MPP4: variants seen among roughly 807,000 people sequenced by gnomAD.
MPP4 encodes MAGUK p55 subfamily member 4.
In MPP4, 91 loss-of-function variants were observed where a neutral mutation model predicts 98.3. That is an observed-to-expected ratio of 0.93 (90% CI 0.78 to 1.10). MPP4 has a LOEUF of 1.10. Ranked by LOEUF, MPP4 falls within the 50% of genes least tolerant of loss-of-function variation. The probability of loss-of-function intolerance (pLI) is 0.00; values close to 1 mark genes in which losing one functional copy is unlikely to be tolerated. For synonymous variants in MPP4, 261 were observed against 271.8 expected, an observed-to-expected ratio of 0.96 and a Z score of 0.39; for missense variants, 744 against 792.9, an observed-to-expected ratio of 0.94 and a Z score of 0.74.
chr2:201,693,254 G>T (rs1689089954), intron 2 of MPP4, among the ~76,000 whole-genome samples: 1 of 152,176 alleles, frequency 6.6e-6, no homozygotes, highest in Non-Finnish European at 1.5e-5. Context: ...ATGAGAAGGT[G>T]CTAGCTTTGT....
intron 18 of MPP4, chr2:201,650,459 G>A: frequency 1.0e-6 from 1 of 985,382 alleles, no homozygotes; most frequent in Non-Finnish European, 1.2e-6. Flanking sequence ...AAGTGCTAGT[G>A]AATTATGTGT....
chr2:201,695,760 C>T (rs181333373), intron 1 of MPP4, among the ~76,000 whole-genome samples: 1 of 152,288 alleles, frequency 6.6e-6, no homozygotes, highest in Non-Finnish European at 1.5e-5. Context: ...ATTTCTGACT[C>T]TTCCAGCATG....
chr2:201,680,208 A>C (rs990128012), intron 10 of MPP4: 9 of 152,266 alleles, frequency 5.9e-5, no homozygotes, highest in Non-Finnish European at 1.3e-4. Flanking sequence ...GCCTTGAAAG[A>C]TGAATCCTTT....
intron 11 of MPP4, 21 bp from the exon 12 acceptor site, chr2:201,669,771 G>A (rs1688289246): frequency 7.2e-7 from 1 of 1,382,716 alleles, no homozygotes. Context: ...GCAAATGATT[G>A]AAGCAGGGGG....
rs900352013 is a variant in MPP4, at chr2:201,672,546, A to G, written c.994+2661T>C. Among the ~76,000 whole-genome samples the G allele has an allele frequency of 3.9e-5, 6 of 152,330 alleles. No homozygotes were observed. In the East Asian group the frequency reaches 1.2e-3, roughly 29 times the overall value. ...AAGAGAGAAGAATCAAATAGACACAATAAAAAATGATAAAGGGGACAACAT... is the reference window on the plus strand; with the variant it reads ...AAGAGAGAAGAATCAAATAGACACAGTAAAAAATGATAAAGGGGACAACAT... On this transcript the variant is annotated intron_variant, in intron 11 of 21. Coordinates refer to ENST00000409474, the MANE Select transcript of MPP4 (RefSeq NM_033066.3).
At chr2:201,653,429 G>A (rs540252933) in intron 18 of MPP4, among the ~76,000 whole-genome samples, 10 of 152,074 alleles carry the variant, frequency 6.6e-5, no homozygotes, top group South Asian at 4.2e-4. Context: ...ACCCAGCACC[G>A]CTCTCTCCAA....
At chr2:201,656,057 A>G (rs1687836887) in intron 17 of MPP4, 141 bp downstream of exon 17, 5 of 933,194 alleles carry the variant, frequency 5.4e-6, no homozygotes, top group Non-Finnish European at 7.8e-6. Context: ...CACATGTACA[A>G]TGGCTTTGTT....
intron 15 of MPP4, among the ~76,000 whole-genome samples, chr2:201,659,442 A>C (rs1687960140): frequency 6.6e-6 from 1 of 152,352 alleles, no homozygotes; most frequent in East Asian, 1.9e-4. Context: ...TTGAGATCTC[A>C]GGAAAAAACT....
chr2:201,690,627 G>A (rs556739513), intron 3 of MPP4, among the ~76,000 whole-genome samples: 1 of 152,278 alleles, frequency 6.6e-6, no homozygotes, highest in African/African-American at 2.4e-5. Context: ...ATGCATAAAG[G>A]AGCGTCTTAA....
At chr2:201,687,478 A>G (rs1379361224) in intron 4 of MPP4, 107 bp from the exon 5 acceptor site, 1 of 763,736 alleles carries the variant, frequency 1.3e-6, no homozygotes, top group African/African-American at 1.8e-5. Context: ...ATTGACCTTT[A>G]AAAAGCTATT....
intron 15 of MPP4, among the ~76,000 whole-genome samples, chr2:201,659,383 C>T (rs1483949851): frequency 6.6e-6 from 1 of 152,230 alleles, no homozygotes; most frequent in Admixed American, 6.5e-5. Context: ...ACTGTGCCCA[C>T]TGCCTCTGAA....
Position 201,647,700 on chromosome 2 carries a change from C to G in MPP4, c.1710G>C (p.Met570Ile), listed in dbSNP as rs578204777. 6.2e-6 allele frequency: 10 copies of G among 1,613,400 alleles called. No homozygotes were observed. The African/African-American group carries it at 1.3e-4, about 22-fold the overall frequency. ...AKVITDYYVD[M>I]KFKDEDLQEM... is the part of the protein sequence containing the mutation. The stretch of plus-strand genomic sequence containing the variant: ...TTTGACTTGCTCTTACCTTGAACTT[C>G]ATGTCCACATAGTAGTCAGTAATAA... The change falls in exon 21 of 22, where the codon ATG (methionine) becomes ATC (isoleucine). Residue 570 changes from methionine to isoleucine, a missense_variant. Met to Ile is a conservative substitution (Grantham distance 10, BLOSUM62 1). Transcript: ENST00000409474.
At chr2:201,685,699 A>G (rs916803075) in intron 6 of MPP4, among the ~76,000 whole-genome samples, 1 of 152,234 alleles carries the variant, frequency 6.6e-6, no homozygotes, top group African/African-American at 2.4e-5. Flanking sequence ...CTTACTTTTC[A>G]CAAAAGAAAA....
chr2:201,645,965 A>G (rs1687549288), intron 21 of MPP4, among the ~76,000 whole-genome samples: 1 of 152,250 alleles, frequency 6.6e-6, no homozygotes, highest in South Asian at 2.1e-4. Flanking sequence ...AGATAAAGAA[A>G]TTTTAATTTG....
chr2:201,669,787 A>C, intron 11 of MPP4, 37 bp from the exon 12 acceptor site: 1 of 1,359,620 alleles, frequency 7.4e-7, no homozygotes, highest in Non-Finnish European at 9.6e-7. Context: ...GGGGGGATAA[A>C]AAGAACACAG....
intron 18 of MPP4, chr2:201,650,802 G>A (rs755899842): frequency 6.1e-6 from 6 of 985,246 alleles, no homozygotes; most frequent in African/African-American, 3.5e-5. Flanking sequence ...GTGGTGATTC[G>A]TTTTAGGGAT....
chr2:201,658,625 G>A (rs1288465461), intron 15 of MPP4, 107 bp from the exon 16 acceptor site: 14 of 872,168 alleles, frequency 1.6e-5, no homozygotes, highest in Non-Finnish European at 2.1e-5. Flanking sequence ...CTTAGTAGAC[G>A]GCAGCAGAGT....
At position 201,685,133 on chromosome 2, in the gene MPP4, T is replaced by A; in HGVS notation, c.505A>T (p.Lys169Ter). 6.2e-7 allele frequency: 1 copy of A among 1,610,764 alleles called. No individual in the cohort carries two copies. Residue 169 changes from lysine to a stop codon, truncating the protein, a stop_gained, in exon 7 of 22, where the codon AAG (lysine) becomes TAG (stop). Transcript: ENST00000409474. LOFTEE classifies it high-confidence loss of function. ...KNQQPLGATI[K>*]RHEMTGDILV... is the part of the protein sequence containing the mutation. ...ATGTCCCCTGTCATCTCGTGGCGCTTGATGGTGGCTCCCTGAAGAGAGAAT... is the reference window on the plus strand; with the variant it reads ...ATGTCCCCTGTCATCTCGTGGCGCTAGATGGTGGCTCCCTGAAGAGAGAAT...
At chr2:201,687,421 A>G in intron 4 of MPP4, 50 bp from the exon 5 acceptor site, 1 of 1,374,730 alleles carries the variant, frequency 7.3e-7, no homozygotes, top group Non-Finnish European at 1.0e-6. Context: ...AATCTTTATC[A>G]CCTACTTAAC....
Sources: allele counts gnomAD v4.1 joint callset (sites outside exome capture counted in the v4.1 genomes callset), GRCh38; gene constraint gnomAD v4.1.1; transcripts MANE v1.5; gene names NCBI Gene and HGNC (gene_info 2026-07-23, HGNC 2026-07-21).